ILRUN: variants seen among roughly 807,000 people sequenced by gnomAD.
The protein encoded by ILRUN is inflammation and lipid regulator with UBA-like and NBR1-like domains, also known as protein ILRUN.
Under a neutral mutation model 33.8 loss-of-function variants are expected in ILRUN, and 3 were observed. That is an observed-to-expected ratio of 0.09 (90% CI 0.04 to 0.23). ILRUN has a LOEUF of 0.23. ILRUN is among the 10% of genes least tolerant of loss of function. The pLI is 1.00. For missense variants in ILRUN, 210 were observed against 375.1 expected (o/e 0.56, Z 3.64); for synonymous variants, 124 against 138.9 (o/e 0.89, Z 0.75).
chr6:34,643,019 G>A (rs1762503527), intron 3 of ILRUN, among the ~76,000 whole-genome samples: 2 of 151,422 alleles, frequency 1.3e-5, no homozygotes, highest in Non-Finnish European at 2.9e-5. Context: ...AGAGAGGCCA[G>A]GCGCAGTGGC....
At position 34,681,683 on chromosome 6, in the gene ILRUN, T is replaced by C. The variant is rs182001160; in HGVS notation, c.158+14763A>G. On this transcript the variant is annotated intron_variant, in intron 1 of 4. Coordinates refer to ENST00000374023, the MANE Select transcript of ILRUN (RefSeq NM_024294.4). Reference sequence around the variant, plus strand: ...TTTTGGGTTTCTTGTTCTCCAACAATATTGTAAATAATATTGTCAGACGAG... The same window carrying C: ...TTTTGGGTTTCTTGTTCTCCAACAACATTGTAAATAATATTGTCAGACGAG... 6.6e-5 allele frequency among the ~76,000 whole-genome samples: 10 copies of C among 152,258 alleles called. No individual in the cohort carries two copies. In the East Asian group the frequency reaches 1.5e-3, roughly 23 times the overall value.
chr6:34,656,859 T>C (rs1662432305), intron 1 of ILRUN, among the ~76,000 whole-genome samples: 1 of 152,248 alleles, frequency 6.6e-6, no homozygotes, highest in South Asian at 2.1e-4. Context: ...CTGCCTATGG[T>C]ATATGTGCTT....
At chr6:34,633,859 G>A (rs538586290) in intron 3 of ILRUN, among the ~76,000 whole-genome samples, 193 of 130,682 alleles carry the variant, frequency 1.5e-3, no homozygotes, top group Non-Finnish European at 2.4e-3. Flanking sequence ...AGGAGGGGAG[G>A]GGAGGGAGAC....
intron 3 of ILRUN, chr6:34,616,511 G>C (rs576925533): frequency 2.1e-6 from 2 of 931,918 alleles, no homozygotes; most frequent in African/African-American, 3.3e-5. Context: ...GCAAAAGTCA[G>C]TATTATGCTC....
intron 4 of ILRUN, among the ~76,000 whole-genome samples, chr6:34,605,975 ACT>A (rs1761621290): frequency 6.6e-6 from 1 of 152,254 alleles, no homozygotes; most frequent in Non-Finnish European, 1.5e-5. Flanking sequence ...TGTGGAAGAC[ACT>A]GTTTAATCAA....
chr6:34,659,740 G>C (rs544294313), intron 1 of ILRUN, among the ~76,000 whole-genome samples: 4 of 147,086 alleles, frequency 2.7e-5, no homozygotes, highest in Non-Finnish European at 5.9e-5. Context: ...TCCTACCTCA[G>C]CCTCCGGAGT....
intron 3 of ILRUN, among the ~76,000 whole-genome samples, chr6:34,621,728 G>A (rs547957088): frequency 1.3e-5 from 2 of 152,162 alleles, no homozygotes; most frequent in Admixed American, 6.5e-5. Flanking sequence ...CAGGCATGGT[G>A]GCGTACCCCT....
intron 1 of ILRUN, among the ~76,000 whole-genome samples, chr6:34,655,610 T>A (rs1197275662): frequency 6.6e-6 from 1 of 152,198 alleles, no homozygotes; most frequent in Non-Finnish European, 1.5e-5. Flanking sequence ...ACCAGTGGAC[T>A]TTTGAGTTTG....
chr6:34,661,952 C>T lies in ILRUN; in HGVS notation c.159-7173G>A, dbSNP rs565409896. Among the ~76,000 whole-genome samples, 1,122 of 151,854 alleles carry T rather than the reference C, an allele frequency of 7.4e-3. 9 individuals carry two copies. The highest frequency in any genetic ancestry group is 0.034 in the Middle Eastern group (10 of 292). ...CATCCTGGCTAAAACAGTGAAACCCCGTCTCTACTAAAAATGCAAAAAATT... is the reference window on the plus strand; with the variant it reads ...CATCCTGGCTAAAACAGTGAAACCCTGTCTCTACTAAAAATGCAAAAAATT... On this transcript the variant is annotated intron_variant, in intron 1 of 4. Coordinates refer to ENST00000374023, the MANE Select transcript of ILRUN (RefSeq NM_024294.4).
At chr6:34,672,109 CTT>C (rs947552266) in intron 1 of ILRUN, among the ~76,000 whole-genome samples, 2 of 146,748 alleles carry the variant, frequency 1.4e-5, no homozygotes, top group Non-Finnish European at 1.5e-5. Flanking sequence ...CTTCCACCCC[CTT>C]TTTTTTTTTG....
At chr6:34,601,711 C>CA (rs1489686853) in intron 4 of ILRUN, among the ~76,000 whole-genome samples, 2 of 148,170 alleles carry the variant, frequency 1.3e-5, no homozygotes, top group African/African-American at 5.0e-5. Context: ...ACCCGCCCCC[C>CA]CAACTACTGT....
chr6:34,665,237 C>A (rs1211608374), intron 1 of ILRUN, among the ~76,000 whole-genome samples: 1 of 143,496 alleles, frequency 7.0e-6, no homozygotes, highest in Non-Finnish European at 1.5e-5. Flanking sequence ...AGGAGGATCA[C>A]TGGAGCCCAG....
chr6:34,625,926 C>T (rs1425609463), intron 3 of ILRUN, among the ~76,000 whole-genome samples: 1 of 148,680 alleles, frequency 6.7e-6, no homozygotes, highest in Admixed American at 6.8e-5. Context: ...TCTTGGCTCA[C>T]TGCAACCTCT....
chr6:34,611,362 A>G (rs1053934969), intron 3 of ILRUN, among the ~76,000 whole-genome samples: 2 of 152,130 alleles, frequency 1.3e-5, no homozygotes, highest in East Asian at 1.9e-4. Flanking sequence ...CTATAAAAGG[A>G]AAGTCATTTG....
At chr6:34,644,827 T>C (rs1762535992) in intron 3 of ILRUN, among the ~76,000 whole-genome samples, 1 of 151,924 alleles carries the variant, frequency 6.6e-6, no homozygotes, top group Admixed American at 6.5e-5. Context: ...AGCAGCAGTT[T>C]GGTGAAATAA....
rs1416115284 is a variant in ILRUN at position 34,646,332 on chromosome 6, T to C, written c.511+269A>G. Among the ~76,000 whole-genome samples, 1 of 152,152 alleles carries C rather than the reference T, an allele frequency of 6.6e-6. No homozygotes were observed. Among genetic ancestry groups the C allele is most frequent in the African/African-American group, 2.4e-5 (1 of 41,444 alleles). ...TTCTTACAGTATCTACCAGCTTATA[T>C]AATAAAAACAACAGCACTACTAAAT... On this transcript the variant is annotated intron_variant, in intron 3 of 4. Coordinates refer to ENST00000374023, the MANE Select transcript of ILRUN (RefSeq NM_024294.4). The surrounding 1 kb of genome is among the most constrained non-coding windows in gnomAD (Gnocchi z 4.9).
intron 1 of ILRUN, among the ~76,000 whole-genome samples, chr6:34,691,627 C>G (rs60045606): frequency 2.0e-5 from 3 of 152,172 alleles, no homozygotes; most frequent in Admixed American, 1.3e-4. Context: ...AAAACCCCGT[C>G]TCTACCAAAA....
Position 34,646,494 on chromosome 6 carries a change from A to T in ILRUN, c.511+107T>A. 3 of 991,620 alleles carry T rather than the reference A, an allele frequency of 3.0e-6. No homozygotes were observed. The highest frequency in any genetic ancestry group is 4.5e-6 in the Non-Finnish European group (3 of 666,662). The allele number at this position is 991,620 out of a possible 1,614,324, so 61.4% of individuals were successfully genotyped here. The stretch of plus-strand genomic sequence containing the variant: ...CCTGCATGAGGTGACTGTTAAAAAG[A>T]GGCCATGCCCTGTTATGCAATTTGA... On this transcript the variant is annotated intron_variant, in intron 3 of 4. Coordinates refer to ENST00000374023, the MANE Select transcript of ILRUN (RefSeq NM_024294.4). The surrounding 1 kb of genome is among the most constrained non-coding windows in gnomAD (Gnocchi z 4.9).
chr6:34,602,757 G>A (rs1029194542), intron 4 of ILRUN, among the ~76,000 whole-genome samples: 8 of 152,200 alleles, frequency 5.3e-5, no homozygotes, highest in African/African-American at 1.9e-4. Context: ...TTTGAGGCGA[G>A]TCAGCATATA....
Sources: allele counts gnomAD v4.1 joint callset (sites outside exome capture counted in the v4.1 genomes callset), GRCh38; gene constraint gnomAD v4.1.1; non-coding constraint Gnocchi (gnomAD v3.1); transcripts MANE v1.5; gene names NCBI Gene and HGNC (gene_info 2026-07-23, HGNC 2026-07-21).